Variants in SNTG2 observed in about 807,000 individuals in gnomAD.
SNTG2 encodes syntrophin gamma 2.
In SNTG2, 74 loss-of-function variants were observed where a neutral mutation model predicts 70.9. The ratio of observed to expected loss-of-function variants is 1.04; its 90% CI spans 0.86 to 1.27. The LOEUF (loss-of-function observed/expected upper bound fraction) is 1.27. Ranked by LOEUF, SNTG2 falls within the 50% of genes most tolerant of loss-of-function variation. The pLI is 0.00. For missense variants in SNTG2, 717 were observed against 690.7 expected, an observed-to-expected ratio of 1.04 and a Z score of -0.43; for synonymous variants, 278 against 273.8, an observed-to-expected ratio of 1.02 and a Z score of -0.15.
intron 1 of SNTG2, among the ~76,000 whole-genome samples, chr2:1,051,185 C>T (rs1156373633): frequency 8.8e-6 from 1 of 113,110 alleles, no homozygotes; most frequent in African/African-American, 3.8e-5. Context: ...TCCCTCCTTC[C>T]TTTCCTCCCT....
At position 1,012,592 on chromosome 2, in the gene SNTG2, C is replaced by T. The variant is rs577339333; in HGVS notation, c.72+61524C>T. 5.5e-4 allele frequency among the ~76,000 whole-genome samples: 73 copies of T among 133,520 alleles called. 2 individuals carry two copies. Among genetic ancestry groups the T allele is most frequent in the Middle Eastern group, 3.8e-3 (1 of 260 alleles). The allele number at this position is 133,520 out of a possible 152,430, so 87.6% of individuals were successfully genotyped here. On this transcript the variant is annotated intron_variant, in intron 1 of 16. Coordinates refer to ENST00000308624, the MANE Select transcript of SNTG2 (RefSeq NM_018968.4). Reference sequence around the variant, plus strand: ...TGGTCTGGAGAAGGATTTATAAGGGCAGAGAGAAGGGTGGTCTGGAAAGGG... The same window carrying T: ...TGGTCTGGAGAAGGATTTATAAGGGTAGAGAGAAGGGTGGTCTGGAAAGGG...
intron 14 of SNTG2, among the ~76,000 whole-genome samples, chr2:1,297,893 A>G (rs1680291077): frequency 6.6e-6 from 1 of 152,182 alleles, no homozygotes; most frequent in Non-Finnish European, 1.5e-5. Context: ...CAAGGAACGG[A>G]GTAGTGAGAA....
At chr2:1,002,209 A>G (rs1467496155) in intron 1 of SNTG2, among the ~76,000 whole-genome samples, 1 of 152,182 alleles carries the variant, frequency 6.6e-6, no homozygotes, top group African/African-American at 2.4e-5. Context: ...ATGATCAAAT[A>G]ATTTATTACT....
chr2:1,039,659 T>C (rs28698443), intron 1 of SNTG2, among the ~76,000 whole-genome samples: 13,780 of 152,202 alleles, frequency 0.091, 766 homozygotes, highest in Middle Eastern at 0.14. Context: ...GGCGTTTGGC[T>C]CTCTACAAAT....
intron 1 of SNTG2, among the ~76,000 whole-genome samples, chr2:969,122 G>A (rs898460146): frequency 6.6e-6 from 1 of 151,980 alleles, no homozygotes; most frequent in African/African-American, 2.4e-5. Context: ...TGAATTGGAG[G>A]GTCCTTCCCA....
chr2:1,178,675 C>A (rs1168272731), intron 8 of SNTG2, among the ~76,000 whole-genome samples: 1 of 151,946 alleles, frequency 6.6e-6, no homozygotes, highest in Non-Finnish European at 1.5e-5. Context: ...GGTGGATAAG[C>A]TTTTTGATGT....
At chr2:1,336,085 A>G (rs1282421723) in intron 16 of SNTG2, among the ~76,000 whole-genome samples, 1 of 152,218 alleles carries the variant, frequency 6.6e-6, no homozygotes, top group East Asian at 1.9e-4. Context: ...ACTCAAAGGC[A>G]TTGGTAAAGA....
At chr2:1,354,161 G>A (rs2148310346) in intron 16 of SNTG2, among the ~76,000 whole-genome samples, 1 of 152,302 alleles carries the variant, frequency 6.6e-6, no homozygotes, top group Admixed American at 6.5e-5. Flanking sequence ...AAAATCTAAG[G>A]CATTAGGACA....
intron 9 of SNTG2, among the ~76,000 whole-genome samples, chr2:1,222,371 A>G (rs1398293130): frequency 1.3e-5 from 2 of 152,270 alleles, no homozygotes; most frequent in Non-Finnish European, 2.9e-5. Flanking sequence ...TGCTTTAAAC[A>G]TTAATTTGAT....
intron 12 of SNTG2, among the ~76,000 whole-genome samples, chr2:1,254,034 A>G (rs1442952829): frequency 6.6e-6 from 1 of 152,144 alleles, no homozygotes; most frequent in Admixed American, 6.6e-5. Context: ...GGGCAAATCC[A>G]CCCCCATGAT....
intron 6 of SNTG2, among the ~76,000 whole-genome samples, chr2:1,165,330 C>T (rs1670633454): frequency 1.3e-5 from 2 of 151,778 alleles, no homozygotes; most frequent in African/African-American, 2.4e-5. Context: ...CTCACTCATG[C>T]ACTTGTTTAC....
Position 1,083,187 on chromosome 2 carries a change from T to C in SNTG2, c.73-331T>C, listed in dbSNP as rs539613845. Among the ~76,000 whole-genome samples, 645 of 149,378 alleles carry C rather than the reference T, an allele frequency of 4.3e-3. 9 individuals carry two copies. The East Asian group carries it at 0.054, about 13-fold the overall frequency. ...TAACTTTAGTTAAACTAAAAAAATA[T>C]ATATATATATATTTGGAAGTGGGAA... On this transcript the variant is annotated intron_variant, in intron 1 of 16. Transcript: ENST00000308624.
chr2:1,182,647 G>GT (rs1469501589), intron 8 of SNTG2, among the ~76,000 whole-genome samples: 1 of 152,234 alleles, frequency 6.6e-6, no homozygotes, highest in Non-Finnish European at 1.5e-5. Flanking sequence ...CTGCAGTGAA[G>GT]TAGGTGACTC....
At chr2:1,224,442 T>A (rs1446374579) in intron 9 of SNTG2, among the ~76,000 whole-genome samples, 1 of 152,154 alleles carries the variant, frequency 6.6e-6, no homozygotes, top group East Asian at 1.9e-4. Flanking sequence ...CTTCCCAGCC[T>A]CCTCATCCCC....
chr2:956,140 C>T (rs112848801), intron 1 of SNTG2, among the ~76,000 whole-genome samples: 12,028 of 85,126 alleles, frequency 0.14, 1,166 homozygotes, highest in Non-Finnish European at 0.21. Context: ...CTGCACCCAC[C>T]GCGCCCCGCC....
intron 14 of SNTG2, among the ~76,000 whole-genome samples, chr2:1,276,901 T>G (rs890570407): frequency 2.0e-5 from 3 of 152,178 alleles, no homozygotes; most frequent in African/African-American, 7.2e-5. Flanking sequence ...CATGAATGAC[T>G]TTGAGGGATT....
At chr2:1,221,513 C>G (rs1280844950) in intron 9 of SNTG2, among the ~76,000 whole-genome samples, 3 of 9,612 alleles carry the variant, frequency 3.1e-4, no homozygotes, top group Non-Finnish European at 7.1e-4. Flanking sequence ...CTCTCTCTCT[C>G]TCTGTCTCTC....
chr2:1,171,731 A>G (rs1270052751), intron 7 of SNTG2, among the ~76,000 whole-genome samples: 1 of 152,212 alleles, frequency 6.6e-6, no homozygotes, highest in Non-Finnish European at 1.5e-5. Context: ...GTTTCTCAAT[A>G]TCTTAATTTT....
intron 8 of SNTG2, among the ~76,000 whole-genome samples, chr2:1,190,499 A>C (rs1672520421): frequency 4.3e-5 from 1 of 23,116 alleles, no homozygotes; most frequent in Non-Finnish European, 1.0e-4. Context: ...GGCTGACTAT[A>C]TATATATATA....
Sources: gnomAD v4.1 joint callset for allele counts (sites outside exome capture counted in the v4.1 genomes callset) on GRCh38, gnomAD v4.1.1 for gene constraint, MANE v1.5 for transcripts, NCBI Gene and HGNC (gene_info 2026-07-23, HGNC 2026-07-21) for gene names.